The following PTPRG variants were observed in gnomAD, a reference collection of about 807,000 sequenced individuals.
PTPRG encodes receptor-type tyrosine-protein phosphatase gamma.
Under a neutral mutation model 165.3 loss-of-function variants are expected in PTPRG, and 102 were observed. The ratio of observed to expected loss-of-function variants is 0.62; its 90% CI spans 0.53 to 0.73. The LOEUF (loss-of-function observed/expected upper bound fraction) is 0.73, where lower values mean the gene tolerates loss of function less well. PTPRG is among the 30% of genes least tolerant of loss of function. The probability of loss-of-function intolerance (pLI) is 0.00; values close to 1 mark genes in which losing one functional copy is unlikely to be tolerated. For synonymous variants in PTPRG, 675 were observed against 669.5 expected, an observed-to-expected ratio of 1.01 and a Z score of -0.13; for missense variants, 1,866 against 1,861.4, an observed-to-expected ratio of 1.00 and a Z score of -0.05.
chr3:61,742,713 T>C (rs1391576055), intron 1 of PTPRG: 5 of 1,607,360 alleles, frequency 3.1e-6, no homozygotes, highest in East Asian at 2.2e-5. Flanking sequence ...AAGGGAACTT[T>C]CCTGCCTTAT....
At position 62,219,182 on chromosome 3, in the gene PTPRG, T is replaced by C. The variant is rs576482728; in HGVS notation, c.2288+199T>C. Among the ~76,000 whole-genome samples the C allele has an allele frequency of 2.0e-5, 3 of 152,364 alleles. No homozygotes were observed. The highest frequency in any genetic ancestry group is 4.1e-4 in the South Asian group (2 of 4,832). ...TCCACTTTTGAGGTCAAGGCATTTA[T>C]GGTAAGCTTCTGGGATTTAGTACCA... On this transcript the variant is annotated intron_variant, in intron 13 of 29. Transcript: ENST00000474889. This position sits in a 1 kb window ranked among gnomAD's most constrained non-coding sequence, Gnocchi z 4.5.
At chr3:61,914,458 C>A (rs1259170180) in intron 2 of PTPRG, among the ~76,000 whole-genome samples, 3 of 152,186 alleles carry the variant, frequency 2.0e-5, no homozygotes, top group African/African-American at 7.2e-5. Flanking sequence ...TGGTAGTCAT[C>A]ATTGACTGCG....
chr3:62,115,793 T>TC (rs1702845028), intron 5 of PTPRG, among the ~76,000 whole-genome samples: 1 of 152,220 alleles, frequency 6.6e-6, no homozygotes, highest in Admixed American at 6.5e-5. Context: ...TGCCTTGGCC[T>TC]CCCAAAGTGC....
Position 62,240,467 on chromosome 3 carries a change from A to G in PTPRG, c.2376-3340A>G, listed in dbSNP as rs540055123. Among the ~76,000 whole-genome samples the G allele has an allele frequency of 6.6e-6, 1 of 152,318 alleles. No individual in the cohort carries two copies. Among genetic ancestry groups the G allele is most frequent in the East Asian group, 1.9e-4 (1 of 5,186 alleles). On this transcript the variant is annotated intron_variant, in intron 14 of 29. Transcript: ENST00000474889. The surrounding 1 kb of genome is among the most constrained non-coding windows in gnomAD (Gnocchi z 5.1). ...CCTTGTTCCATTTCTGCTGCCCTCT[A>G]ATCCATTCATCATGTAGCAGCCAAA...
chr3:61,806,679 G>C (rs1030675941), intron 2 of PTPRG, among the ~76,000 whole-genome samples: 2 of 152,164 alleles, frequency 1.3e-5, no homozygotes, highest in Non-Finnish European at 2.9e-5. Flanking sequence ...GAAAGGAGAT[G>C]ACAGAAATAG....
chr3:62,067,315 T>A (rs1433541615), intron 4 of PTPRG, among the ~76,000 whole-genome samples: 2 of 151,336 alleles, frequency 1.3e-5, no homozygotes, highest in Non-Finnish European at 2.9e-5. Flanking sequence ...GAAACTCCCA[T>A]GATGTGGGGC....
Position 62,271,423 on chromosome 3 carries a change from T to C in PTPRG, c.3050T>C (p.Val1017Ala), listed in dbSNP as rs1400407660. 1 of 1,612,722 alleles carries C rather than the reference T, an allele frequency of 6.2e-7. No homozygotes were observed. The highest frequency in any genetic ancestry group is 8.5e-7 in the Non-Finnish European group (1 of 1,179,230). The stretch of plus-strand genomic sequence containing the variant: ...CCCAAGGGTCGTCAGAATGAAAGGG[T>C]AGTGATCCAGTATCACTATACACAG... The part of the protein sequence containing the change: ...GNPKGRQNER[V>A]VIQYHYTQWP... The change falls in exon 21 of 30, where the codon GTA becomes GCA. Residue 1017 changes from valine to alanine, a missense_variant. Physicochemically the swap from Val to Ala is moderately conservative, Grantham distance 64 (BLOSUM62 0). Transcript: ENST00000474889. The surrounding 1 kb of genome is among the most constrained non-coding windows in gnomAD (Gnocchi z 4.1).
rs1300530968 is a variant in PTPRG, at chr3:62,237,861, C to T, written c.2376-5946C>T. Among the ~76,000 whole-genome samples the T allele has an allele frequency of 6.6e-6, 1 of 152,184 alleles. No homozygotes were observed. Among genetic ancestry groups the T allele is most frequent in the East Asian group, 1.9e-4 (1 of 5,190 alleles). On this transcript the variant is annotated intron_variant, in intron 14 of 29. Coordinates refer to ENST00000474889, the MANE Select transcript of PTPRG (RefSeq NM_002841.4). This position sits in a 1 kb window ranked among gnomAD's most constrained non-coding sequence, Gnocchi z 4.5. ...ACAGATTTGATCAGCTACTATCACA[C>T]ATTACCCTCTGGACTTCCAATCAAA...
At chr3:61,791,484 A>C (rs1377861162) in intron 2 of PTPRG, among the ~76,000 whole-genome samples, 1 of 152,048 alleles carries the variant, frequency 6.6e-6, no homozygotes, top group Non-Finnish European at 1.5e-5. Flanking sequence ...ATTTCTAATA[A>C]ATTTATTTAC....
At chr3:62,146,469 C>T (rs781491018) in intron 6 of PTPRG, among the ~76,000 whole-genome samples, 4 of 152,026 alleles carry the variant, frequency 2.6e-5, no homozygotes, top group Admixed American at 6.6e-5. Flanking sequence ...AGTATGGGCC[C>T]CGGGATTTTC....
intron 5 of PTPRG, among the ~76,000 whole-genome samples, chr3:62,129,587 C>G (rs1323267895): frequency 6.6e-6 from 1 of 152,146 alleles, no homozygotes; most frequent in Non-Finnish European, 1.5e-5. Context: ...GGGGGCCAAA[C>G]TCACTTTTAT....
At chr3:62,133,272 A>G (rs1703583591) in intron 6 of PTPRG, among the ~76,000 whole-genome samples, 1 of 152,226 alleles carries the variant, frequency 6.6e-6, no homozygotes, top group Non-Finnish European at 1.5e-5. Flanking sequence ...TACCTATGAC[A>G]TCAAGATCCT....
chr3:61,841,828 A>ACAAAAC (rs1225096195), intron 2 of PTPRG, among the ~76,000 whole-genome samples: 10 of 140,188 alleles, frequency 7.1e-5, no homozygotes, highest in African/African-American at 3.3e-4. Context: ...AAAAACAAAA[A>ACAAAAC]CAAAACAAAA....
rs568182162 is a variant in PTPRG at position 61,742,934 on chromosome 3, G to T, written c.86-5944G>T. 18 of 1,465,000 alleles carry T rather than the reference G, an allele frequency of 1.2e-5. No individual in the cohort carries two copies. The African/African-American group carries it at 2.4e-4, about 19-fold the overall frequency. The allele number at this position is 1,465,000 out of a possible 1,614,324, so 90.8% of individuals were successfully genotyped here. A position where few individuals can be genotyped will look rare whatever the true frequency, so the allele number is the denominator to read the frequency against. ...ACACACACACACAACTTAGGGCGGG[G>T]AGTGGACTTAAGTCTGACGGTGCCC... On this transcript the variant is annotated intron_variant, in intron 1 of 29. Coordinates refer to ENST00000474889, the MANE Select transcript of PTPRG (RefSeq NM_002841.4).
intron 1 of PTPRG, among the ~76,000 whole-genome samples, chr3:61,600,993 G>A (rs1252845601): frequency 6.6e-6 from 1 of 152,184 alleles, no homozygotes; most frequent in Non-Finnish European, 1.5e-5. Context: ...GGTGGCTCAC[G>A]CCTGTGACCC....
At chr3:61,746,386 T>C (rs760512114) in intron 1 of PTPRG, among the ~76,000 whole-genome samples, 7 of 152,060 alleles carry the variant, frequency 4.6e-5, no homozygotes, top group Non-Finnish European at 8.8e-5. Context: ...TGTTTTTGTA[T>C]TTTTAGTAGA....
At chr3:62,272,642 G>A (rs548822603) in intron 21 of PTPRG, among the ~76,000 whole-genome samples, 1 of 152,088 alleles carries the variant, frequency 6.6e-6, no homozygotes, top group East Asian at 1.9e-4. Flanking sequence ...TCAGGAGTTC[G>A]ATACCAGTCT....
chr3:61,583,230 A>G lies in PTPRG; in HGVS notation c.85+20858A>G, dbSNP rs565308700. Among the ~76,000 whole-genome samples the G allele has an allele frequency of 3.9e-5, 6 of 152,310 alleles. No individual in the cohort carries two copies. The East Asian group carries it at 7.7e-4, about 20-fold the overall frequency. On this transcript the variant is annotated intron_variant, in intron 1 of 29. Coordinates refer to ENST00000474889, the MANE Select transcript of PTPRG (RefSeq NM_002841.4). ...GGCTTGGGAGCCAATGTTGATACGCATGGGAGCCAATGCTGGATGCATTGA... is the reference window on the plus strand; with the variant it reads ...GGCTTGGGAGCCAATGTTGATACGCGTGGGAGCCAATGCTGGATGCATTGA...
At chr3:61,588,173 A>G (rs774920102) in intron 1 of PTPRG, among the ~76,000 whole-genome samples, 2 of 151,736 alleles carry the variant, frequency 1.3e-5, no homozygotes, top group Non-Finnish European at 1.5e-5. Context: ...TCAGGTTATT[A>G]TTTGCTTTTT....
Sources: gnomAD v4.1 joint callset for allele counts (sites outside exome capture counted in the v4.1 genomes callset) on GRCh38, gnomAD v4.1.1 for gene constraint, Gnocchi (gnomAD v3.1) non-coding constraint, MANE v1.5 for transcripts, NCBI Gene and HGNC (gene_info 2026-07-23, HGNC 2026-07-21) for gene names.